ENPEP: variants seen among roughly 807,000 people sequenced by gnomAD.
The protein encoded by ENPEP is glutamyl aminopeptidase.
ENPEP carries 103 observed loss-of-function variants against 114.5 expected under a neutral mutation model. The observed-to-expected ratio is 0.90, with a 90% CI of 0.77 to 1.06. The LOEUF (loss-of-function observed/expected upper bound fraction) is 1.06. Ranked by LOEUF, ENPEP falls within the 50% of genes least tolerant of loss-of-function variation. ENPEP has a pLI of 0.00. For missense variants in ENPEP, 1,196 were observed against 1,161.3 expected (o/e 1.03, Z -0.43); for synonymous variants, 420 against 422.0 (o/e 1.00, Z 0.06).
chr4:110,520,145 C>G, intron 9 of ENPEP, 70 bp from the exon 10 acceptor site: 1 of 1,592,116 alleles, frequency 6.3e-7, no homozygotes, highest in Non-Finnish European at 8.6e-7. Flanking sequence ...ATTTTCTAAT[C>G]TAACTATTCT....
intron 8 of ENPEP, among the ~76,000 whole-genome samples, chr4:110,518,208 G>A (rs924507156): frequency 1.3e-5 from 2 of 152,148 alleles, no homozygotes; most frequent in African/African-American, 4.8e-5. Context: ...GGCTATACAT[G>A]TACATAAAAG....
chr4:110,506,569 A>C, intron 3 of ENPEP, 68 bp from the exon 4 acceptor site: 1 of 1,508,374 alleles, frequency 6.6e-7, no homozygotes, highest in Non-Finnish European at 8.9e-7. Flanking sequence ...TATGTTATGC[A>C]TCACAGTTTT....
chr4:110,526,942 A>G (rs914251413), intron 10 of ENPEP, among the ~76,000 whole-genome samples: 2 of 152,184 alleles, frequency 1.3e-5, no homozygotes, highest in African/African-American at 2.4e-5. Context: ...GCGGAGAACA[A>G]TCTCCTTTTA....
chr4:110,494,275 A>G (rs1355111948), intron 3 of ENPEP, among the ~76,000 whole-genome samples: 1 of 152,222 alleles, frequency 6.6e-6, no homozygotes, highest in African/African-American at 2.4e-5. Context: ...TTTATATTTT[A>G]TCACTAATTT....
intron 8 of ENPEP, chr4:110,519,180 A>G (rs1725892114): frequency 4.5e-6 from 2 of 448,722 alleles, no homozygotes; most frequent in Non-Finnish European, 9.0e-6. Context: ...GAGTCCTTCT[A>G]ATACTGTTTT....
At chr4:110,521,193 C>A (rs1324741554) in intron 10 of ENPEP, among the ~76,000 whole-genome samples, 1 of 152,044 alleles carries the variant, frequency 6.6e-6, no homozygotes, top group African/African-American at 2.4e-5. Flanking sequence ...ATAACAAGAG[C>A]CTGTCTCTAC....
chr4:110,514,231 G>C (rs980045731), intron 7 of ENPEP, among the ~76,000 whole-genome samples: 39 of 152,000 alleles, frequency 2.6e-4, no homozygotes, highest in African/African-American at 8.9e-4. Context: ...CCACTACACT[G>C]AGATGCTTAG....
rs1726394146 is a variant in ENPEP, at chr4:110,531,236, A to C, written c.1766A>C (p.Asn589Thr). Residue 589 changes from asparagine (N) to threonine (T), a missense_variant, in exon 11 of 20, where the codon AAT (asparagine) becomes ACT (threonine). Physicochemically the swap from Asn to Thr is moderately conservative, Grantham distance 65. Coordinates refer to ENST00000265162, the MANE Select transcript of ENPEP (RefSeq NM_001977.4). ...WNIPVKWTED[N>T]ITSSVLFNRS... ...ATCCCAGTTAAATGGACTGAAGATAATATAACAAGCAGTGTGTTATTTAAT... is the reference window on the plus strand; with the variant it reads ...ATCCCAGTTAAATGGACTGAAGATACTATAACAAGCAGTGTGTTATTTAAT... 6.8e-7 allele frequency: 1 copy of C among 1,469,492 alleles called. No individual in the cohort carries two copies. Among genetic ancestry groups the C allele is most frequent in the Non-Finnish European group, 9.1e-7 (1 of 1,094,110 alleles). 91.0% of individuals were successfully genotyped at this position (1,469,492 alleles called of 1,614,324 possible). A position where few individuals can be genotyped will look rare whatever the true frequency, so the allele number is the denominator to read the frequency against.
rs2110394504 is a variant in ENPEP at position 110,549,510 on chromosome 4, G to A, written c.2226-18G>A. On this transcript the variant is annotated intron_variant, in intron 15 of 19. Transcript: ENST00000265162. Reference sequence around the variant, plus strand: ...AAAGTGCTTAAGGCCCTGGATTTGTGTTTGTTTGTTTTTTAAGGTTACTCC... The same window carrying A: ...AAAGTGCTTAAGGCCCTGGATTTGTATTTGTTTGTTTTTTAAGGTTACTCC... The A allele has an allele frequency of 1.2e-6, 2 of 1,613,134 alleles. No individual in the cohort carries two copies. Among genetic ancestry groups the A allele is most frequent in the Non-Finnish European group, 8.5e-7 (1 of 1,179,396 alleles).
At chr4:110,510,506 G>A (rs1578401301) in intron 6 of ENPEP, 148 bp downstream of exon 6, 2 of 635,636 alleles carry the variant, frequency 3.1e-6, no homozygotes. Flanking sequence ...GGAGCCAGCT[G>A]ACTTCCACTG....
At chr4:110,506,601 T>G in intron 3 of ENPEP, 36 bp from the exon 4 acceptor site, 1 of 1,570,268 alleles carries the variant, frequency 6.4e-7, no homozygotes, top group Non-Finnish European at 8.6e-7. Flanking sequence ...GAATGAAGAA[T>G]AATTTTCACT....
Position 110,510,234 on chromosome 4 carries a change from T to G in ENPEP, c.1195-11T>G. 6.2e-7 allele frequency: 1 copy of G among 1,603,586 alleles called. No homozygotes were observed. Among genetic ancestry groups the G allele is most frequent in the Non-Finnish European group, 8.5e-7 (1 of 1,170,372 alleles). ...AGAATGTAATTATCTCTTTATTGCT[T>G]ATAATTTCAGTGGTTTGGAAATATT... On this transcript the variant is annotated splice_polypyrimidine_tract_variant and intron_variant, in intron 5 of 19. Transcript: ENST00000265162.
chr4:110,549,754 G>T lies in ENPEP; in HGVS notation c.2369G>T (p.Gly790Val), dbSNP rs1256395871. The T allele has an allele frequency of 1.8e-5, 29 of 1,613,302 alleles. No individual in the cohort carries two copies. Among genetic ancestry groups the T allele is most frequent in the Non-Finnish European group, 2.4e-5 (28 of 1,179,544 alleles). Residue 790 changes from glycine to valine, a missense_variant, in exon 17 of 20, where the codon GGG becomes GTG. Physicochemically the swap from Gly to Val is moderately radical, Grantham distance 109 (BLOSUM62 -3). Transcript: ENST00000265162. ...VNLRLLVYRYGMQNSGNEISW... is the reference protein window; with the variant it reads ...VNLRLLVYRYVMQNSGNEISW... ...CTCAGGCTTCTGGTGTATCGGTATGGGATGCAGAACTCTGGCAATGAGATT... is the reference window on the plus strand; with the variant it reads ...CTCAGGCTTCTGGTGTATCGGTATGTGATGCAGAACTCTGGCAATGAGATT...
rs1026848715 is a variant in ENPEP at position 110,526,559 on chromosome 4, G to A, written c.1728-4639G>A. Among the ~76,000 whole-genome samples, 3 of 152,198 alleles carry A rather than the reference G, an allele frequency of 2.0e-5. No individual in the cohort carries two copies. In the East Asian group the frequency reaches 5.8e-4, roughly 29 times the overall value. ...GCAGAGAGTGACTGGGAAAAGTGGT[G>A]TGAGGTGAAGACGAAGAGGAAGGCA... On this transcript the variant is annotated intron_variant, in intron 10 of 19. Coordinates refer to ENST00000265162, the MANE Select transcript of ENPEP (RefSeq NM_001977.4).
At chr4:110,489,672 T>C (rs1443540947) in intron 2 of ENPEP, among the ~76,000 whole-genome samples, 1 of 152,210 alleles carries the variant, frequency 6.6e-6, no homozygotes, top group Non-Finnish European at 1.5e-5. Context: ...CTCTCTGTTA[T>C]TTTGTCTCAT....
chr4:110,510,167 T>C, intron 5 of ENPEP, 78 bp from the exon 6 acceptor site: 2 of 1,208,100 alleles, frequency 1.7e-6, no homozygotes, highest in Non-Finnish European at 2.4e-6. Flanking sequence ...CACGGACAAA[T>C]AAATGTTTTG....
chr4:110,523,350 G>T (rs1320500741), intron 10 of ENPEP, among the ~76,000 whole-genome samples: 1 of 152,118 alleles, frequency 6.6e-6, no homozygotes, highest in Non-Finnish European at 1.5e-5. Context: ...CTTCTGCCAT[G>T]ATTGTAAGTT....
chr4:110,506,149 C>A (rs1386654804), intron 3 of ENPEP: 3 of 152,236 alleles, frequency 2.0e-5, no homozygotes, highest in Non-Finnish European at 4.4e-5. Context: ...GGGCTCTTTG[C>A]ATGAGAAAAA....
chr4:110,508,947 C>T (rs900235447), intron 4 of ENPEP, among the ~76,000 whole-genome samples: 1 of 152,172 alleles, frequency 6.6e-6, no homozygotes, highest in African/African-American at 2.4e-5. Context: ...ATTCTGTTTA[C>T]AGTTCATTAA....
Sources: gnomAD v4.1 joint callset for allele counts (sites outside exome capture counted in the v4.1 genomes callset) on GRCh38, gnomAD v4.1.1 for gene constraint, MANE v1.5 for transcripts, NCBI Gene and HGNC (gene_info 2026-07-23, HGNC 2026-07-21) for gene names.